Variants in CAMTA1 observed in about 807,000 individuals in gnomAD.
CAMTA1 encodes the protein calmodulin-binding transcription activator 1.
CAMTA1 carries 27 observed loss-of-function variants against 170.9 expected under a neutral mutation model. That is an observed-to-expected ratio of 0.16 (90% confidence interval 0.12 to 0.22). The LOEUF is 0.22. Ranked by LOEUF, CAMTA1 falls within the 10% of genes least tolerant of loss-of-function variation. The pLI is 1.00. For missense variants in CAMTA1, 1,619 were observed against 2,217.2 expected (o/e 0.73, Z 5.42); for synonymous variants, 833 against 891.5 (o/e 0.93, Z 1.17).
intron 3 of CAMTA1, among the ~76,000 whole-genome samples, chr1:7,085,339 C>T (rs971101848): frequency 1.3e-5 from 2 of 152,202 alleles, no homozygotes; most frequent in Non-Finnish European, 2.9e-5. Flanking sequence ...GGCATGGGCT[C>T]TTGAGGTGAC....
rs202238238 is a variant in CAMTA1 at position 7,655,112 on chromosome 1, A to G, written c.665-6614A>G. Among the ~76,000 whole-genome samples, 467 of 47,916 alleles carry G rather than the reference A, an allele frequency of 9.7e-3. 25 individuals are homozygous for G. Among genetic ancestry groups the G allele is most frequent in the Non-Finnish European group, 0.014 (329 of 23,020 alleles). The allele number at this position is 47,916 out of a possible 152,430, so 31.4% of individuals were successfully genotyped here. ...CCTATACACACACACCTATACACAC[A>G]CCTATACACACACCTCTATACACAC... On this transcript the variant is annotated intron_variant, in intron 7 of 22. Transcript: ENST00000303635.
intron 5 of CAMTA1, among the ~76,000 whole-genome samples, chr1:7,411,075 A>G (rs946406323): frequency 6.6e-6 from 1 of 152,186 alleles, no homozygotes; most frequent in Non-Finnish European, 1.5e-5. Context: ...AATAGACTCC[A>G]TAATATATTC....
chr1:7,170,489 A>T (rs763582718), intron 4 of CAMTA1, among the ~76,000 whole-genome samples: 2 of 151,816 alleles, frequency 1.3e-5, no homozygotes, highest in Non-Finnish European at 1.5e-5. Flanking sequence ...GACAGGCCCC[A>T]GTATGTGGTA....
intron 3 of CAMTA1, among the ~76,000 whole-genome samples, chr1:7,035,739 A>G (rs924281174): frequency 6.6e-6 from 1 of 152,240 alleles, no homozygotes; most frequent in African/African-American, 2.4e-5. Context: ...CTGCTACTCT[A>G]CAGACAGCCT....
intron 5 of CAMTA1, among the ~76,000 whole-genome samples, chr1:7,361,808 C>T (rs2085562018): frequency 1.3e-5 from 2 of 152,246 alleles, no homozygotes; most frequent in South Asian, 2.1e-4. Context: ...TAACGTAAAC[C>T]GAGTTTCCTT....
rs557513617 is a variant in CAMTA1 at position 7,239,503 on chromosome 1, G to A, written c.303-9988G>A. ...TTAAAGAAGCCAAGTCATTTGCCCC[G>A]TAGAGTCTTCCATAGTCTGGATTTT... On this transcript the variant is annotated intron_variant, in intron 4 of 22. Coordinates refer to ENST00000303635, the MANE Select transcript of CAMTA1 (RefSeq NM_015215.4). Among the ~76,000 whole-genome samples the A allele has an allele frequency of 7.9e-5, 12 of 152,100 alleles. No homozygotes were observed. In the East Asian group the frequency reaches 1.5e-3, roughly 20 times the overall value.
intron 5 of CAMTA1, among the ~76,000 whole-genome samples, chr1:7,284,199 T>TTC (rs1672006686): frequency 6.9e-6 from 1 of 144,222 alleles, no homozygotes; most frequent in East Asian, 2.1e-4. Context: ...ATTATTATTA[T>TTC]TATTATTATT....
intron 5 of CAMTA1, among the ~76,000 whole-genome samples, chr1:7,372,139 T>C (rs984945281): frequency 2.6e-5 from 4 of 152,164 alleles, no homozygotes; most frequent in African/African-American, 9.7e-5. Flanking sequence ...CTTCCTGGGT[T>C]GAGGCTGCCA....
intron 6 of CAMTA1, among the ~76,000 whole-genome samples, chr1:7,631,040 C>G (rs1470685971): frequency 6.6e-6 from 1 of 152,212 alleles, no homozygotes; most frequent in Non-Finnish European, 1.5e-5. Flanking sequence ...GGGTGCTCAG[C>G]TCCAGGGTCC....
intron 4 of CAMTA1, among the ~76,000 whole-genome samples, chr1:7,241,603 T>C (rs1664868374): frequency 6.6e-6 from 1 of 152,166 alleles, no homozygotes; most frequent in African/African-American, 2.4e-5. Context: ...AAATAGACAA[T>C]GGAACAGAAG....
intron 3 of CAMTA1, among the ~76,000 whole-genome samples, chr1:7,022,947 G>A (rs1701569862): frequency 6.6e-6 from 1 of 152,198 alleles, no homozygotes; most frequent in Non-Finnish European, 1.5e-5. Flanking sequence ...TGCAAGTCGA[G>A]TGGCCTTACT....
intron 11 of CAMTA1, among the ~76,000 whole-genome samples, chr1:7,731,560 A>T (rs1197709764): frequency 2.0e-5 from 3 of 149,814 alleles, no homozygotes; most frequent in Admixed American, 6.7e-5. Flanking sequence ...CGACACCATG[A>T]CACTCTGTCT....
chr1:7,029,596 ATCTC>A (rs532946853), intron 3 of CAMTA1, among the ~76,000 whole-genome samples: 12 of 149,546 alleles, frequency 8.0e-5, no homozygotes, highest in Admixed American at 2.7e-4. Context: ...ATATCAAGAA[ATCTC>A]TCTCTCTCTC....
At chr1:7,427,576 G>A (rs947690858) in intron 5 of CAMTA1, among the ~76,000 whole-genome samples, 4 of 152,170 alleles carry the variant, frequency 2.6e-5, no homozygotes, top group African/African-American at 4.8e-5. Flanking sequence ...AGGAAGTGTC[G>A]AAGGTCAAAT....
chr1:7,508,529 G>A (rs12067392), intron 6 of CAMTA1, among the ~76,000 whole-genome samples: 1,590 of 152,312 alleles, frequency 0.01, 23 homozygotes, highest in African/African-American at 0.037. Context: ...TGACAGGTAT[G>A]ACCTCCCTGC....
At chr1:7,190,793 A>C (rs1481989360) in intron 4 of CAMTA1, among the ~76,000 whole-genome samples, 1 of 152,192 alleles carries the variant, frequency 6.6e-6, no homozygotes, top group East Asian at 1.9e-4. Flanking sequence ...TGGGAGGCAG[A>C]CTCCATTCTA....
At chr1:7,388,755 C>T (rs939493752) in intron 5 of CAMTA1, among the ~76,000 whole-genome samples, 1 of 152,222 alleles carries the variant, frequency 6.6e-6, no homozygotes, top group African/African-American at 2.4e-5. Context: ...TGCCCATCTC[C>T]ACTTGGAGTT....
At chr1:7,003,636 G>T (rs2898914) in intron 3 of CAMTA1, among the ~76,000 whole-genome samples, 23,542 of 152,186 alleles carry the variant, frequency 0.15, 2,081 homozygotes, top group African/African-American at 0.24. Flanking sequence ...AATCTCTCCT[G>T]GGTGTCTGGT....
At chr1:7,554,666 C>T (rs1417232747) in intron 6 of CAMTA1, among the ~76,000 whole-genome samples, 2 of 152,174 alleles carry the variant, frequency 1.3e-5, no homozygotes, top group Non-Finnish European at 2.9e-5. Flanking sequence ...CTCACACAAA[C>T]ACTGACGATG....
Sources: allele counts gnomAD v4.1 joint callset (sites outside exome capture counted in the v4.1 genomes callset), GRCh38; gene constraint gnomAD v4.1.1; transcripts MANE v1.5; gene names NCBI Gene and HGNC (gene_info 2026-07-23, HGNC 2026-07-21).